Variants in PRELID2 observed in about 807,000 individuals in gnomAD.
PRELID2 encodes PRELI domain containing 2.
PRELID2 carries 25 observed loss-of-function variants against 28.4 expected under a neutral mutation model. The observed-to-expected ratio is 0.88, with a 90% CI of 0.64 to 1.23. The LOEUF (loss-of-function observed/expected upper bound fraction) is 1.23. Ranked by LOEUF, PRELID2 falls within the 50% of genes most tolerant of loss-of-function variation. PRELID2 has a pLI of 0.00. For synonymous variants in PRELID2, 76 were observed against 71.6 expected, an observed-to-expected ratio of 1.06 and a Z score of -0.31; for missense variants, 201 against 214.4, an observed-to-expected ratio of 0.94 and a Z score of 0.39.
chr5:145,780,829 G>A (rs1002585909), intron 5 of PRELID2, among the ~76,000 whole-genome samples: 1 of 152,094 alleles, frequency 6.6e-6, no homozygotes, highest in Non-Finnish European at 1.5e-5. Context: ...CTTAAATTGG[G>A]ACTCAATAAG....
At chr5:145,291,335 C>CACAAAAAAAAAAAAAAAAAAA in the PRELID2 span, among the ~76,000 whole-genome samples, 6 of 57,472 alleles carry the variant, frequency 1.0e-4, no homozygotes, top group African/African-American at 5.4e-4. Context: ...GACTCTGTTT[C>CACAAAAAAAAAAAAAAAAAAA]AGAAAAAAAA....
At chr5:145,529,046 C>G (rs1195646302) in intron 1 of PRELID2, among the ~76,000 whole-genome samples, 1 of 152,168 alleles carries the variant, frequency 6.6e-6, no homozygotes, top group African/African-American at 2.4e-5. Context: ...TAAGGTCCCA[C>G]AGTTGGATTA....
At chr5:145,685,121 G>A (rs1013980443) in intron 1 of PRELID2, among the ~76,000 whole-genome samples, 10 of 152,146 alleles carry the variant, frequency 6.6e-5, no homozygotes, top group African/African-American at 2.2e-4. Context: ...GAGAGAATCA[G>A]TTAGTCTCTC....
intron 1 of PRELID2, among the ~76,000 whole-genome samples, chr5:145,514,835 A>G (rs1027002953): frequency 6.6e-6 from 1 of 152,220 alleles, no homozygotes; most frequent in African/African-American, 2.4e-5. Context: ...TCAAATTAGA[A>G]CTCGTGATTA....
At chr5:145,677,339 G>A (rs1057010508) in intron 1 of PRELID2, among the ~76,000 whole-genome samples, 7 of 151,938 alleles carry the variant, frequency 4.6e-5, no homozygotes, top group Non-Finnish European at 7.4e-5. Flanking sequence ...ATTTTTAGTA[G>A]AGACAGGGTT....
At chr5:145,420,516 T>C in the PRELID2 span, among the ~76,000 whole-genome samples, 1 of 144,426 alleles carries the variant, frequency 6.9e-6, no homozygotes, top group Non-Finnish European at 1.5e-5. Context: ...AGTTCACTCA[T>C]GATTTGGCTC....
chr5:145,723,015 T>G (rs1009039076), intron 1 of PRELID2, among the ~76,000 whole-genome samples: 3 of 151,998 alleles, frequency 2.0e-5, no homozygotes, highest in African/African-American at 7.2e-5. Flanking sequence ...ACATAAAACA[T>G]GAAGGAAAAT....
chr5:145,274,953 T>C, the PRELID2 span, among the ~76,000 whole-genome samples: 1 of 152,192 alleles, frequency 6.6e-6, no homozygotes, highest in Non-Finnish European at 1.5e-5. Context: ...CCTCTCACTT[T>C]GGCTTTTGGA....
the PRELID2 span, among the ~76,000 whole-genome samples, chr5:145,415,258 T>TCG: frequency 9.2e-5 from 14 of 152,058 alleles, no homozygotes; most frequent in Non-Finnish European, 1.6e-4. Context: ...TTGTTTTGTT[T>TCG]TTTATTTTAT....
At position 145,492,795 on chromosome 5, in the gene PRELID2, T is replaced by C. The variant is rs777333837; in HGVS notation, n.71-19480A>G. On this transcript the variant is annotated intron_variant and non_coding_transcript_variant, in intron 1 of 2. Coordinates refer to the PRELID2 transcript ENST00000510259. ...GCTGCTGTTGTCGGCCCAGAAGTGGTGCAGGCCAGAGATTGAGTCCACCAC... is the reference window on the plus strand; with the variant it reads ...GCTGCTGTTGTCGGCCCAGAAGTGGCGCAGGCCAGAGATTGAGTCCACCAC... Among the ~76,000 whole-genome samples the C allele has an allele frequency of 6.6e-4, 93 of 140,724 alleles. 16 individuals are homozygous for C. Among genetic ancestry groups the C allele is most frequent in the Non-Finnish European group, 1.1e-3 (68 of 62,526 alleles). 92.3% of individuals were successfully genotyped at this position (140,724 alleles called of 152,430 possible).
At chr5:145,829,558 T>A (rs1356190602) in intron 1 of PRELID2, among the ~76,000 whole-genome samples, 1 of 152,198 alleles carries the variant, frequency 6.6e-6, no homozygotes, top group Non-Finnish European at 1.5e-5. Flanking sequence ...AAGACAGTGA[T>A]TATTATTCTC....
At chr5:145,611,821 G>T (rs1253920533) in intron 1 of PRELID2, among the ~76,000 whole-genome samples, 1 of 152,100 alleles carries the variant, frequency 6.6e-6, no homozygotes, top group African/African-American at 2.4e-5. Flanking sequence ...GTATGAAATT[G>T]CAATAGGCCA....
At chr5:145,603,286 C>A (rs1753425455) in intron 1 of PRELID2, among the ~76,000 whole-genome samples, 1 of 144,624 alleles carries the variant, frequency 6.9e-6, no homozygotes, top group Non-Finnish European at 1.5e-5. Context: ...TAAATCAGAG[C>A]AGCTAGAAAA....
At chr5:145,679,572 A>C (rs1372173091) in intron 1 of PRELID2, among the ~76,000 whole-genome samples, 1 of 152,102 alleles carries the variant, frequency 6.6e-6, no homozygotes, top group Non-Finnish European at 1.5e-5. Flanking sequence ...CTTATTCACC[A>C]TTGTATCCTT....
the PRELID2 span, among the ~76,000 whole-genome samples, chr5:145,406,279 A>C: frequency 3.1e-4 from 47 of 152,180 alleles, no homozygotes; most frequent in African/African-American, 1.0e-3. Context: ...TTGTCAGAGT[A>C]CCCATGAAGT....
chr5:145,368,967 C>A, the PRELID2 span, among the ~76,000 whole-genome samples: 2 of 151,784 alleles, frequency 1.3e-5, no homozygotes, highest in African/African-American at 2.4e-5. Context: ...CCTCTTCACA[C>A]CCTCAACCCT....
chr5:145,517,630 T>G (rs972690627), intron 1 of PRELID2, among the ~76,000 whole-genome samples: 3 of 152,112 alleles, frequency 2.0e-5, no homozygotes, highest in Admixed American at 2.0e-4. Flanking sequence ...ACCCAGCCAT[T>G]CCATTACTGG....
At chr5:145,822,431 A>T (rs1754895058) in intron 2 of PRELID2, among the ~76,000 whole-genome samples, 1 of 152,198 alleles carries the variant, frequency 6.6e-6, no homozygotes, top group African/African-American at 2.4e-5. Flanking sequence ...GTCGTAGATG[A>T]CATGTAAACA....
At chr5:145,477,402 A>G (rs916516274) in intron 1 of PRELID2, among the ~76,000 whole-genome samples, 2 of 152,220 alleles carry the variant, frequency 1.3e-5, no homozygotes, top group African/African-American at 4.8e-5. Context: ...TTTTACCAAC[A>G]GAAAGAATAG....
Sources: gnomAD v4.1 joint callset for allele counts (sites outside exome capture counted in the v4.1 genomes callset) on GRCh38, gnomAD v4.1.1 for gene constraint, MANE v1.5 for transcripts, NCBI Gene and HGNC (gene_info 2026-07-23, HGNC 2026-07-21) for gene names.